The following RALGAPA2 variants were observed in gnomAD, a reference collection of about 807,000 sequenced individuals.
The protein encoded by RALGAPA2 is ral GTPase-activating protein subunit alpha-2.
In RALGAPA2, 139 loss-of-function variants were observed where a neutral mutation model predicts 230.4. The observed-to-expected ratio is 0.60, with a 90% CI of 0.53 to 0.69. The LOEUF (loss-of-function observed/expected upper bound fraction) is 0.69. Ranked by LOEUF, RALGAPA2 falls within the 30% of genes least tolerant of loss-of-function variation. RALGAPA2 has a pLI of 0.00. For missense variants in RALGAPA2, 2,163 were observed against 2,276.0 expected (o/e 0.95, Z 1.01); for synonymous variants, 847 against 837.8 (o/e 1.01, Z -0.19).
rs1296210670 is a variant in RALGAPA2, at chr20:20,589,171, AT to A, written c.2439+96del. The A allele has an allele frequency of 8.5e-6, 12 of 1,410,612 alleles. No homozygotes were observed. In the Admixed American group the frequency reaches 1.4e-4, roughly 17 times the overall value. 87.4% of individuals were successfully genotyped at this position (1,410,612 alleles called of 1,614,324 possible). ...CTATAAACTGTCTAAATGGAAAAAA[AT>A]ATTTTAATTATCACTGCCACCAATA... On this transcript the variant is annotated intron_variant, in intron 18 of 39. Transcript: ENST00000202677.
chr20:20,700,095 G>A (rs957655722), intron 1 of RALGAPA2, among the ~76,000 whole-genome samples: 9 of 152,010 alleles, frequency 5.9e-5, no homozygotes, highest in African/African-American at 2.2e-4. Flanking sequence ...AGAAAATGTG[G>A]TACATATACA....
At chr20:20,615,108 G>T (rs1175718712) in intron 13 of RALGAPA2, among the ~76,000 whole-genome samples, 1 of 152,084 alleles carries the variant, frequency 6.6e-6, no homozygotes, top group Non-Finnish European at 1.5e-5. Flanking sequence ...GAGGCTTTCT[G>T]GTCTGTTGCT....
intron 10 of RALGAPA2, 114 bp downstream of exon 10, chr20:20,629,249 C>A (rs2066589637): frequency 2.4e-6 from 2 of 822,356 alleles, no homozygotes; most frequent in Non-Finnish European, 2.0e-6. Flanking sequence ...ACCCAACTCA[C>A]CAATTCTATT....
At chr20:20,693,058 C>T (rs2068973013) in intron 1 of RALGAPA2, among the ~76,000 whole-genome samples, 1 of 152,144 alleles carries the variant, frequency 6.6e-6, no homozygotes, top group Non-Finnish European at 1.5e-5. Flanking sequence ...TACTTCATTT[C>T]TGAAAGCATA....
chr20:20,445,909 T>C (rs924471542), intron 37 of RALGAPA2, among the ~76,000 whole-genome samples: 1 of 152,200 alleles, frequency 6.6e-6, no homozygotes, highest in Non-Finnish European at 1.5e-5. Context: ...CCAAAGCTAA[T>C]GCATTCTGCT....
rs553889902 is a variant in RALGAPA2, at chr20:20,656,144, G to A, written c.271-2557C>T. Among the ~76,000 whole-genome samples, 35 of 152,288 alleles carry A rather than the reference G, an allele frequency of 2.3e-4. 1 individual carries two copies. In the South Asian group the frequency reaches 6.6e-3, roughly 29 times the overall value. ...TCTCTTTTGAGAGAGTTTAAAATACGACAAGATGAAGCTCTGGAGGTATCC... is the reference window on the plus strand; with the variant it reads ...TCTCTTTTGAGAGAGTTTAAAATACAACAAGATGAAGCTCTGGAGGTATCC... On this transcript the variant is annotated intron_variant, in intron 3 of 39. Transcript: ENST00000202677.
At chr20:20,431,896 G>A (rs375220299) in intron 37 of RALGAPA2, among the ~76,000 whole-genome samples, 1 of 152,268 alleles carries the variant, frequency 6.6e-6, no homozygotes, top group South Asian at 2.1e-4. Context: ...AGAGGCCTGT[G>A]TCCCGGGTTT....
chr20:20,548,128 C>T (rs1163876031), intron 23 of RALGAPA2, among the ~76,000 whole-genome samples: 1 of 143,500 alleles, frequency 7.0e-6, no homozygotes, highest in East Asian at 1.9e-4. Context: ...AAAATCTCCA[C>T]ACACACACAC....
At position 20,589,271 on chromosome 20, in the gene RALGAPA2, T is replaced by G. The variant is rs1197084173; in HGVS notation, c.2436A>C (p.Ile812=). 6.4e-7 allele frequency: 1 copy of G among 1,565,882 alleles called. No homozygotes were observed. Among genetic ancestry groups the G allele is most frequent in the Non-Finnish European group, 8.7e-7 (1 of 1,153,726 alleles). ...KGHVKREHEG[I]TILVRRSSSP... is the part of the protein sequence containing the mutation. ...AAATGGCTTGAAAATATCTTACTGT[T>G]ATTCCTTCATGTTCTCTCTTCACAT... Residue 812 remains isoleucine (I), a synonymous_variant, in exon 18 of 40, where the codon ATA becomes ATC. Coordinates refer to ENST00000202677, the MANE Select transcript of RALGAPA2 (RefSeq NM_020343.4).
intron 39 of RALGAPA2, among the ~76,000 whole-genome samples, chr20:20,393,738 G>A (rs551167281): frequency 3.9e-5 from 6 of 152,154 alleles, no homozygotes; most frequent in African/African-American, 1.2e-4. Flanking sequence ...TAAGACTAGA[G>A]GTCAGTCCTA....
intron 3 of RALGAPA2, among the ~76,000 whole-genome samples, chr20:20,669,474 C>T (rs1377680548): frequency 6.6e-6 from 1 of 152,158 alleles, no homozygotes; most frequent in Admixed American, 6.6e-5. Context: ...GTAACCCCAA[C>T]CACATCCTTT....
chr20:20,447,850 C>T (rs1300869309), intron 37 of RALGAPA2, among the ~76,000 whole-genome samples: 2 of 152,156 alleles, frequency 1.3e-5, no homozygotes, highest in Admixed American at 1.3e-4. Flanking sequence ...CTCTGCCCCG[C>T]ATCCTCAGTG....
At chr20:20,551,731 T>C (rs1054994426) in intron 23 of RALGAPA2, among the ~76,000 whole-genome samples, 21 of 152,224 alleles carry the variant, frequency 1.4e-4, no homozygotes, top group African/African-American at 5.1e-4. Context: ...GAAAAACATA[T>C]GGTGATGGCA....
At chr20:20,550,105 T>C (rs757244714) in intron 23 of RALGAPA2, among the ~76,000 whole-genome samples, 2 of 152,164 alleles carry the variant, frequency 1.3e-5, no homozygotes, top group African/African-American at 2.4e-5. Flanking sequence ...CAGTAAGCAC[T>C]ATACCCAATT....
chr20:20,628,046 A>G (rs1195510586), intron 10 of RALGAPA2, among the ~76,000 whole-genome samples: 1 of 152,242 alleles, frequency 6.6e-6, no homozygotes. Flanking sequence ...GTGCCGGGCC[A>G]CAGAACCAGA....
At chr20:20,453,310 G>C (rs1481637694) in intron 37 of RALGAPA2, among the ~76,000 whole-genome samples, 1 of 152,142 alleles carries the variant, frequency 6.6e-6, no homozygotes, top group Non-Finnish European at 1.5e-5. Flanking sequence ...CAAGACAGTA[G>C]CACATCTCCT....
At chr20:20,420,365 G>C (rs1313963868) in intron 37 of RALGAPA2, among the ~76,000 whole-genome samples, 2 of 152,178 alleles carry the variant, frequency 1.3e-5, no homozygotes, top group African/African-American at 4.8e-5. Context: ...AGAGGTCAAG[G>C]CTGACTGGCA....
chr20:20,695,147 G>A (rs1415745478), intron 1 of RALGAPA2, among the ~76,000 whole-genome samples: 1 of 152,046 alleles, frequency 6.6e-6, no homozygotes, highest in Non-Finnish European at 1.5e-5. Context: ...ATATAAAAGA[G>A]TATCTTTACC....
At chr20:20,579,807 G>C (rs2064931656) in intron 20 of RALGAPA2, among the ~76,000 whole-genome samples, 1 of 152,092 alleles carries the variant, frequency 6.6e-6, no homozygotes, top group Non-Finnish European at 1.5e-5. Flanking sequence ...CCACAGAAAT[G>C]TGTTGAACAA....
Sources: allele counts gnomAD v4.1 joint callset (sites outside exome capture counted in the v4.1 genomes callset), GRCh38; gene constraint gnomAD v4.1.1; transcripts MANE v1.5; gene names NCBI Gene and HGNC (gene_info 2026-07-23, HGNC 2026-07-21).